The following TF variants were observed in gnomAD, a reference collection of about 807,000 sequenced individuals.
The protein encoded by TF is transferrin, also known as serotransferrin.
A neutral mutation model predicts 82.4 loss-of-function variants in TF; 55 were observed. The observed-to-expected ratio is 0.67, with a 90% CI of 0.54 to 0.84. TF has a LOEUF of 0.84. TF is among the 40% of genes least tolerant of loss of function. The pLI is 0.00. For synonymous variants in TF, 332 were observed against 332.6 expected (o/e 1.00, Z 0.02); for missense variants, 737 against 868.4 (o/e 0.85, Z 1.90).
chr3:133,716,078 T>C, the TF span, among the ~76,000 whole-genome samples: 1 of 152,188 alleles, frequency 6.6e-6, no homozygotes, highest in Non-Finnish European at 1.5e-5. Flanking sequence ...CTCCTGACAC[T>C]GCACCTCAGT....
At chr3:133,754,293 G>A (rs1240632235) in intron 3 of TF, among the ~76,000 whole-genome samples, 1 of 152,088 alleles carries the variant, frequency 6.6e-6, no homozygotes, top group Non-Finnish European at 1.5e-5. Flanking sequence ...TGCCTGGAGG[G>A]GTAATATTAT....
the TF span, among the ~76,000 whole-genome samples, chr3:133,711,892 G>C: frequency 1.3e-5 from 2 of 152,002 alleles, no homozygotes; most frequent in South Asian, 4.2e-4. Flanking sequence ...AGTCCTGAAG[G>C]CCTCCATGAG....
chr3:133,794,305 A>G lies in TF; in HGVS notation c.*15685A>G, dbSNP rs947759349. 1 of 152,224 alleles carries G rather than the reference A, an allele frequency of 6.6e-6. No homozygotes were observed. Among genetic ancestry groups the G allele is most frequent in the African/African-American group, 2.4e-5 (1 of 41,468 alleles). 9.4% of individuals were successfully genotyped at this position (152,224 alleles called of 1,614,324 possible). On this transcript the variant is annotated 3_prime_UTR_variant, in exon 17 of 17. Coordinates refer to ENST00000402696, the MANE Select transcript of TF (RefSeq NM_001063.4). ...AAATTGCTAAAATAGTTTATAACCAATGTTTGGTCCCATATTCCTGGGAAA... is the reference window on the plus strand; with the variant it reads ...AAATTGCTAAAATAGTTTATAACCAGTGTTTGGTCCCATATTCCTGGGAAA...
the TF span, among the ~76,000 whole-genome samples, chr3:133,677,751 A>G: frequency 1.3e-5 from 2 of 151,932 alleles, no homozygotes; most frequent in Admixed American, 6.6e-5. Flanking sequence ...TGGTGTGATC[A>G]TAGCTCACTG....
At chr3:133,717,055 C>T in the TF span, among the ~76,000 whole-genome samples, 1 of 152,182 alleles carries the variant, frequency 6.6e-6, no homozygotes, top group Non-Finnish European at 1.5e-5. Context: ...TTGCACATAC[C>T]CTTGCCAATA....
chr3:133,665,327 C>T, the TF span, among the ~76,000 whole-genome samples: 1 of 151,778 alleles, frequency 6.6e-6, no homozygotes, highest in Admixed American at 6.6e-5. Flanking sequence ...ATGAGCTGAA[C>T]GTGGTGGCGG....
the TF span, among the ~76,000 whole-genome samples, chr3:133,675,480 C>T: frequency 3.3e-5 from 5 of 152,196 alleles, no homozygotes; most frequent in Admixed American, 3.3e-4. Context: ...TGAGCATACA[C>T]ACAGACTGGG....
the TF span, among the ~76,000 whole-genome samples, chr3:133,734,534 C>T: frequency 1.2e-4 from 7 of 58,898 alleles, no homozygotes; most frequent in Admixed American, 1.0e-3. Context: ...CCAAACAAAA[C>T]AGGAACTCAC....
At chr3:133,725,255 C>T in the TF span, among the ~76,000 whole-genome samples, 1 of 152,170 alleles carries the variant, frequency 6.6e-6, no homozygotes, top group African/African-American at 2.4e-5. Flanking sequence ...GCAGTATGGC[C>T]ATTTTCACGA....
At chr3:133,703,859 G>A in the TF span, among the ~76,000 whole-genome samples, 12 of 152,172 alleles carry the variant, frequency 7.9e-5, no homozygotes, top group Non-Finnish European at 1.5e-4. Context: ...CCATTATCTG[G>A]AAGAAACATA....
At chr3:133,730,816 T>C in the TF span, among the ~76,000 whole-genome samples, 3 of 152,230 alleles carry the variant, frequency 2.0e-5, no homozygotes, top group Non-Finnish European at 4.4e-5. Flanking sequence ...GATTCTTCTG[T>C]GACCTCACAC....
the TF span, among the ~76,000 whole-genome samples, chr3:133,679,968 C>T: frequency 6.6e-6 from 1 of 152,156 alleles, no homozygotes; most frequent in African/African-American, 2.4e-5. Flanking sequence ...AGTCTTTTCA[C>T]AGTTAGCCAT....
At chr3:133,673,626 T>A in the TF span, among the ~76,000 whole-genome samples, 1 of 152,208 alleles carries the variant, frequency 6.6e-6, no homozygotes, top group Non-Finnish European at 1.5e-5. Context: ...TATGATTCCA[T>A]CTGCATAAAG....
In TF at chr3:133,785,247, G is replaced by A. The variant is rs1315085160; in HGVS notation, c.*6627G>A. The A allele has an allele frequency of 1.4e-4, 14 of 100,706 alleles. No individual in the cohort carries two copies. Among genetic ancestry groups the A allele is most frequent in the African/African-American group, 5.1e-4 (13 of 25,636 alleles). 6.2% of individuals were successfully genotyped at this position (100,706 alleles called of 1,614,324 possible). A position where few individuals can be genotyped will look rare whatever the true frequency, so the allele number is the denominator to read the frequency against. Reference sequence around the variant, plus strand: ...GCGCCTCTGCCCGGCCGCCCCTACTGGGAAGTGAGGAGCCCCTCTGCCCGG... The same window carrying A: ...GCGCCTCTGCCCGGCCGCCCCTACTAGGAAGTGAGGAGCCCCTCTGCCCGG... On this transcript the variant is annotated 3_prime_UTR_variant, in exon 17 of 17. Transcript: ENST00000402696.
the TF span, among the ~76,000 whole-genome samples, chr3:133,663,820 G>A: frequency 1.3e-5 from 2 of 152,180 alleles, no homozygotes; most frequent in African/African-American, 4.8e-5. Context: ...GACCTCACAA[G>A]AGAAGGAGAT....
chr3:133,703,163 T>C, the TF span, among the ~76,000 whole-genome samples: 1 of 152,234 alleles, frequency 6.6e-6, no homozygotes, highest in Non-Finnish European at 1.5e-5. Context: ...TTTGTATCTA[T>C]AAATGCCTAT....
At chr3:133,765,464 G>T (rs1415108980) in intron 11 of TF, among the ~76,000 whole-genome samples, 1 of 152,172 alleles carries the variant, frequency 6.6e-6, no homozygotes. Context: ...AACAGAGCAG[G>T]AGCAAGTCAG....
chr3:133,749,724 G>C (rs540077694), intron 2 of TF, among the ~76,000 whole-genome samples: 1 of 152,314 alleles, frequency 6.6e-6, no homozygotes, highest in East Asian at 1.9e-4. Context: ...GGGAGGCCAG[G>C]GTGATGGGAG....
the TF span, among the ~76,000 whole-genome samples, chr3:133,674,350 C>T: frequency 6.6e-6 from 1 of 152,202 alleles, no homozygotes; most frequent in African/African-American, 2.4e-5. Context: ...GGTGCTGCCC[C>T]CTTCCCCGAA....
Sources: gnomAD v4.1 joint callset for allele counts (sites outside exome capture counted in the v4.1 genomes callset) on GRCh38, gnomAD v4.1.1 for gene constraint, MANE v1.5 for transcripts, NCBI Gene and HGNC (gene_info 2026-07-23, HGNC 2026-07-21) for gene names.